MGAT4C: variants seen among roughly 807,000 people sequenced by gnomAD.
MGAT4C encodes MGAT4 family member C.
MGAT4C carries 19 observed loss-of-function variants against 40.1 expected under a neutral mutation model. That is an observed-to-expected ratio of 0.47 (90% CI 0.33 to 0.70). The LOEUF is 0.70. Among genes scored for constraint, MGAT4C ranks in the 30% least tolerant of loss-of-function variants. The pLI is 0.02. For missense variants in MGAT4C, 491 were observed against 563.2 expected (o/e 0.87, Z 1.30); for synonymous variants, 181 against 187.1 (o/e 0.97, Z 0.27).
chr12:86,258,669 C>G (rs1439950132), upstream of MGAT4C, among the ~76,000 whole-genome samples: 2 of 151,900 alleles, frequency 1.3e-5, no homozygotes, highest in Non-Finnish European at 2.9e-5. Flanking sequence ...TAAAATATGT[C>G]AGTGAGATTT....
chr12:85,989,387 CT>C lies in MGAT4C; in HGVS notation c.147+12del. The stretch of plus-strand genomic sequence containing the variant: ...TTATTTTGAAGAAAAGACAATCAAC[CT>C]CCCAAACTTACCAGAACATAGCTAT... On this transcript the variant is annotated intron_variant, in intron 3 of 4. Transcript: ENST00000611864. The C allele has an allele frequency of 1.3e-6, 2 of 1,558,784 alleles. No individual in the cohort carries two copies. The highest frequency in any genetic ancestry group is 1.7e-6 in the Non-Finnish European group (2 of 1,154,396).
chr12:86,602,085 C>T (rs559426749), intron 2 of MGAT4C, among the ~76,000 whole-genome samples: 1 of 152,288 alleles, frequency 6.6e-6, no homozygotes, highest in South Asian at 2.1e-4. Flanking sequence ...GCTGCCCACC[C>T]CGAGGCAGCA....
intron 2 of MGAT4C, among the ~76,000 whole-genome samples, chr12:86,603,839 C>T (rs528473056): frequency 7.2e-6 from 1 of 139,576 alleles, no homozygotes; most frequent in African/African-American, 2.6e-5. Context: ...TAGAAGAATA[C>T]TATATTGCAT....
At chr12:86,462,006 A>G (rs1216239393) in intron 2 of MGAT4C, among the ~76,000 whole-genome samples, 29 of 152,214 alleles carry the variant, frequency 1.9e-4, no homozygotes, top group Admixed American at 1.9e-3. Context: ...TAAATCATTT[A>G]TATATTACAT....
chr12:86,758,392 A>ATTT lies in MGAT4C; in HGVS notation c.-261-31152_-261-31151insAAA, dbSNP rs1565969172. The stretch of plus-strand genomic sequence containing the variant: ...TCCGAATCCTTTTTTTTTTTTTTTA[A>ATTT]AAAAAAGAAACTAACATTAATTAGT... On this transcript the variant is annotated intron_variant, in intron 1 of 7. Coordinates refer to the MGAT4C transcript ENST00000548651. 2.1e-3 allele frequency among the ~76,000 whole-genome samples: 169 copies of ATTT among 79,828 alleles called. 1 individual carries two copies. The highest frequency in any genetic ancestry group is 6.8e-3 in the African/African-American group (165 of 24,180). 52.4% of individuals were successfully genotyped at this position (79,828 alleles called of 152,430 possible).
At chr12:86,556,454 G>A (rs1354994948) in intron 2 of MGAT4C, among the ~76,000 whole-genome samples, 1 of 152,044 alleles carries the variant, frequency 6.6e-6, no homozygotes, top group African/African-American at 2.4e-5. Context: ...TCTACCAAAA[G>A]AGCTGCAGCA....
At chr12:86,676,164 G>A (rs1333474573) in intron 2 of MGAT4C, among the ~76,000 whole-genome samples, 1 of 152,018 alleles carries the variant, frequency 6.6e-6, no homozygotes, top group Non-Finnish European at 1.5e-5. Context: ...ATTGAGTTTT[G>A]TCCTGAAAAC....
intron 1 of MGAT4C, among the ~76,000 whole-genome samples, chr12:86,187,710 A>C (rs1457408605): frequency 6.6e-6 from 1 of 151,016 alleles, no homozygotes; most frequent in African/African-American, 2.4e-5. Context: ...CAATGCTACT[A>C]CTTGGCTGTT....
At chr12:86,388,588 C>T (rs1327300508) in intron 3 of MGAT4C, among the ~76,000 whole-genome samples, 5 of 151,516 alleles carry the variant, frequency 3.3e-5, no homozygotes, top group African/African-American at 1.2e-4. Context: ...TAAGAACTGC[C>T]TCTAAACTAA....
rs796376918 is a variant in MGAT4C at position 86,560,587 on chromosome 12, AT to A, written c.-228-125323del. Among the ~76,000 whole-genome samples the A allele has an allele frequency of 7.2e-5, 11 of 152,306 alleles. 1 individual carries two copies. The highest frequency in any genetic ancestry group is 2.4e-4 in the African/African-American group (10 of 41,590). On this transcript the variant is annotated intron_variant, in intron 2 of 7. Transcript: ENST00000548651. ...GACAAAACATTTGATAAACCTCAAT[AT>A]TCTTTCATGATAAAGTTTCTGGGCA...
chr12:86,142,774 G>A (rs1883020030), intron 1 of MGAT4C, among the ~76,000 whole-genome samples: 1 of 148,814 alleles, frequency 6.7e-6, no homozygotes, highest in Non-Finnish European at 1.5e-5. Context: ...GGCTTTTCTT[G>A]TTTATAACCA....
intron 1 of MGAT4C, among the ~76,000 whole-genome samples, chr12:86,759,831 G>C (rs924548333): frequency 7.9e-5 from 12 of 151,968 alleles, no homozygotes; most frequent in African/African-American, 2.9e-4. Context: ...TTCTCTCATT[G>C]TGTAGGTTGC....
intron 1 of MGAT4C, among the ~76,000 whole-genome samples, chr12:86,179,104 A>C (rs183202375): frequency 6.6e-6 from 1 of 152,304 alleles, no homozygotes. Flanking sequence ...AGGAGGAGGT[A>C]ATTAAATCAT....
intron 3 of MGAT4C, among the ~76,000 whole-genome samples, chr12:86,377,960 AT>A (rs2136217398): frequency 6.6e-6 from 1 of 152,258 alleles, no homozygotes; most frequent in African/African-American, 2.4e-5. Flanking sequence ...ATCATATAAT[AT>A]TTGCCCCTTT....
intron 2 of MGAT4C, among the ~76,000 whole-genome samples, chr12:86,624,258 A>C (rs1014344993): frequency 2.6e-5 from 4 of 152,294 alleles, no homozygotes; most frequent in South Asian, 4.1e-4. Flanking sequence ...CAACATATAC[A>C]AGGGAATCTA....
At chr12:86,112,490 T>C (rs1057260103) in intron 1 of MGAT4C, among the ~76,000 whole-genome samples, 3 of 151,792 alleles carry the variant, frequency 2.0e-5, no homozygotes, top group African/African-American at 7.2e-5. Context: ...AGCTTGATAC[T>C]GATTAGCCAG....
At chr12:86,622,152 G>C (rs1212639805) in intron 2 of MGAT4C, among the ~76,000 whole-genome samples, 1 of 152,208 alleles carries the variant, frequency 6.6e-6, no homozygotes, top group East Asian at 1.9e-4. Context: ...GGTTTATTGT[G>C]ACGTAATTTT....
At chr12:86,151,851 G>A (rs373283726) in intron 1 of MGAT4C, among the ~76,000 whole-genome samples, 3 of 152,228 alleles carry the variant, frequency 2.0e-5, no homozygotes, top group Non-Finnish European at 4.4e-5. Flanking sequence ...GAGCCTTAAC[G>A]TTGTTCCTAT....
At chr12:86,565,952 T>G (rs1304852789) in intron 2 of MGAT4C, among the ~76,000 whole-genome samples, 1 of 152,148 alleles carries the variant, frequency 6.6e-6, no homozygotes, top group Admixed American at 6.5e-5. Flanking sequence ...TGGCTACAGC[T>G]ACCGCTGAGT....
Sources: gnomAD v4.1 joint callset for allele counts (sites outside exome capture counted in the v4.1 genomes callset) on GRCh38, gnomAD v4.1.1 for gene constraint, MANE v1.5 for transcripts, NCBI Gene and HGNC (gene_info 2026-07-23, HGNC 2026-07-21) for gene names.